Variants in SDK1 observed in about 807,000 individuals in gnomAD.
SDK1 encodes the protein protein sidekick-1.
SDK1 carries 157 observed loss-of-function variants against 245.5 expected under a neutral mutation model. The observed-to-expected ratio is 0.64, with a 90% CI of 0.56 to 0.73. The LOEUF (loss-of-function observed/expected upper bound fraction) is 0.73. SDK1 is among the 30% of genes least tolerant of loss of function. The pLI, the probability that SDK1 is intolerant of heterozygous loss-of-function variation, is 0.00. For missense variants in SDK1, 3,583 were observed against 3,002.3 expected (o/e 1.19, Z -4.52); for synonymous variants, 1,647 against 1,278.5 (o/e 1.29, Z -6.15).
chr7:3,566,551 G>T (rs921343848), intron 1 of SDK1, among the ~76,000 whole-genome samples: 2 of 152,032 alleles, frequency 1.3e-5, no homozygotes, highest in African/African-American at 4.8e-5. Context: ...ACATAAAGCA[G>T]TAGAGGAAAA....
rs761672389 is a variant in SDK1 at position 4,265,199 on chromosome 7, T to C, written c.6457T>C (p.Tyr2153His). The C allele has an allele frequency of 6.2e-7, 1 of 1,611,892 alleles. No homozygotes were observed. Among genetic ancestry groups the C allele is most frequent in the South Asian group, 1.1e-5 (1 of 91,016 alleles). Residue 2153 changes from tyrosine (Y) to histidine (H), a missense_variant, in exon 45 of 45, where the codon TAC becomes CAC. Transcript: ENST00000404826. ...VNHYMSDPTY[Y>H]NSWKRRAQGR... ...CCACTACATGAGCGACCCCACCTAC[T>C]ACAACTCATGGAAGCGCAGGGCCCA...
At chr7:3,769,298 G>C (rs73306111) in intron 4 of SDK1, among the ~76,000 whole-genome samples, 1,853 of 152,232 alleles carry the variant, frequency 0.012, 35 homozygotes, top group African/African-American at 0.042. Flanking sequence ...TCTGCATTTG[G>C]TTAGAGCCCT....
chr7:3,505,121 A>C (rs1782351750), intron 1 of SDK1, among the ~76,000 whole-genome samples: 1 of 152,244 alleles, frequency 6.6e-6, no homozygotes, highest in Non-Finnish European at 1.5e-5. Context: ...CGTCAGAATA[A>C]AGTAGGAATG....
chr7:4,011,199 G>T, intron 15 of SDK1, 86 bp downstream of exon 15: 5 of 1,496,834 alleles, frequency 3.3e-6, no homozygotes, highest in South Asian at 1.2e-5. Context: ...TGGTGGAATT[G>T]ATCACAGCAA....
At chr7:3,749,034 C>T (rs182102397) in intron 4 of SDK1, among the ~76,000 whole-genome samples, 20 of 152,210 alleles carry the variant, frequency 1.3e-4, no homozygotes, top group Non-Finnish European at 2.2e-4. Flanking sequence ...GCCAGTAATG[C>T]GAATATTTTC....
intron 1 of SDK1, among the ~76,000 whole-genome samples, chr7:3,587,257 C>T (rs1465276986): frequency 6.6e-6 from 1 of 152,084 alleles, no homozygotes; most frequent in East Asian, 1.9e-4. Context: ...AGATTTTAAA[C>T]ATTTGCTGTT....
At chr7:3,587,104 G>C (rs187127227) in intron 1 of SDK1, among the ~76,000 whole-genome samples, 3 of 152,286 alleles carry the variant, frequency 2.0e-5, no homozygotes, top group African/African-American at 7.2e-5. Context: ...GAAAACCTTT[G>C]TTGAAAGGGT....
At chr7:3,788,318 G>A (rs1031199851) in intron 4 of SDK1, among the ~76,000 whole-genome samples, 2 of 152,170 alleles carry the variant, frequency 1.3e-5, no homozygotes, top group African/African-American at 4.8e-5. Flanking sequence ...GCCCATAACA[G>A]GGTGTGCGGT....
At chr7:3,607,802 G>C (rs1781468865) in intron 1 of SDK1, among the ~76,000 whole-genome samples, 1 of 152,184 alleles carries the variant, frequency 6.6e-6, no homozygotes, top group Non-Finnish European at 1.5e-5. Flanking sequence ...GTTTTAATAG[G>C]AACTAACACG....
intron 1 of SDK1, among the ~76,000 whole-genome samples, chr7:3,313,546 C>T (rs1419499747): frequency 6.6e-6 from 1 of 152,166 alleles, no homozygotes; most frequent in Non-Finnish European, 1.5e-5. Flanking sequence ...TGATAGGAAG[C>T]ATTGTTGCAA....
At chr7:4,177,488 G>T (rs1443926767) in intron 34 of SDK1, among the ~76,000 whole-genome samples, 1 of 152,172 alleles carries the variant, frequency 6.6e-6, no homozygotes, top group Non-Finnish European at 1.5e-5. Flanking sequence ...GGACACGGCC[G>T]CTAAGGTCTC....
rs149407460 is a variant in SDK1, at chr7:3,635,896, C to T, written c.459-3108C>T. Among the ~76,000 whole-genome samples the T allele has an allele frequency of 1.4e-3, 212 of 152,130 alleles. 1 individual carries two copies. Among genetic ancestry groups the T allele is most frequent in the African/African-American group, 4.4e-3 (182 of 41,510 alleles). On this transcript the variant is annotated intron_variant, in intron 2 of 44. Coordinates refer to ENST00000404826, the MANE Select transcript of SDK1 (RefSeq NM_152744.4). ...AATTTTTGTATTTTTTGTAGAGAGA[C>T]GGTTCTGCCATATTGCCCAGGCTGG...
chr7:3,332,082 C>A (rs1284745133), intron 1 of SDK1, among the ~76,000 whole-genome samples: 1 of 152,092 alleles, frequency 6.6e-6, no homozygotes, highest in African/African-American at 2.4e-5. Context: ...TTAAAAAATA[C>A]TTTATTCAAA....
chr7:3,578,154 A>G (rs919152150), intron 1 of SDK1, among the ~76,000 whole-genome samples: 3 of 152,016 alleles, frequency 2.0e-5, no homozygotes, highest in Non-Finnish European at 4.4e-5. Context: ...TTCCATTAGC[A>G]TACAAAGAGA....
At position 4,034,103 on chromosome 7, in the gene SDK1, G is replaced by A. The variant is rs73300920; in HGVS notation, c.2603-15245G>A. Among the ~76,000 whole-genome samples the A allele has an allele frequency of 7.4e-3, 1,126 of 152,290 alleles. 9 individuals carry two copies. Among genetic ancestry groups the A allele is most frequent in the African/African-American group, 0.026 (1,076 of 41,556 alleles). On this transcript the variant is annotated intron_variant, in intron 17 of 44. Coordinates refer to ENST00000404826, the MANE Select transcript of SDK1 (RefSeq NM_152744.4). ...ACACAGCCTCGCCTCTGTGCTATTCGTGCCTACGATGCAAGCCTGAATCAA... is the reference window on the plus strand; with the variant it reads ...ACACAGCCTCGCCTCTGTGCTATTCATGCCTACGATGCAAGCCTGAATCAA...
chr7:4,209,083 C>T (rs1784385947), intron 37 of SDK1, among the ~76,000 whole-genome samples: 1 of 152,224 alleles, frequency 6.6e-6, no homozygotes, highest in African/African-American at 2.4e-5. Context: ...CTCCGGGAAT[C>T]AGGGCCCCTT....
chr7:3,845,488 C>CAAA (rs369588343), intron 5 of SDK1, among the ~76,000 whole-genome samples: 2,408 of 40,090 alleles, frequency 0.06, 285 homozygotes, highest in African/African-American at 0.19. Flanking sequence ...GACTCCGTCT[C>CAAA]AAAAAAAAAA....
chr7:3,810,761 T>C (rs1388169540), intron 4 of SDK1, among the ~76,000 whole-genome samples: 1 of 152,144 alleles, frequency 6.6e-6, no homozygotes, highest in Admixed American at 6.6e-5. Context: ...TAAACACATG[T>C]GGAGAAAAGG....
intron 17 of SDK1, among the ~76,000 whole-genome samples, chr7:4,042,564 C>T (rs1236783496): frequency 9.5e-6 from 1 of 105,136 alleles, no homozygotes; most frequent in Admixed American, 8.1e-5. Context: ...TAACACCTGT[C>T]ACGTTACCAG....
Sources: allele counts gnomAD v4.1 joint callset (sites outside exome capture counted in the v4.1 genomes callset), GRCh38; gene constraint gnomAD v4.1.1; transcripts MANE v1.5; gene names NCBI Gene and HGNC (gene_info 2026-07-23, HGNC 2026-07-21).